The following ZC3H12C variants were observed in gnomAD, a reference collection of about 807,000 sequenced individuals.
The protein encoded by ZC3H12C is probable ribonuclease ZC3H12C.
ZC3H12C carries 20 observed loss-of-function variants against 76.3 expected under a neutral mutation model. The observed-to-expected ratio is 0.26, with a 90% CI of 0.18 to 0.38. The LOEUF (loss-of-function observed/expected upper bound fraction) is 0.38. ZC3H12C is among the 10% of genes least tolerant of loss of function. The probability of loss-of-function intolerance (pLI) is 1.00; values close to 1 mark genes in which losing one functional copy is unlikely to be tolerated. For synonymous variants in ZC3H12C, 352 were observed against 399.6 expected (o/e 0.88, Z 1.42); for missense variants, 874 against 1,086.5 (o/e 0.80, Z 2.75).
chr11:110,133,705 CTG>C (rs1861905916), intron 1 of ZC3H12C, among the ~76,000 whole-genome samples: 1 of 152,014 alleles, frequency 6.6e-6, no homozygotes, highest in Non-Finnish European at 1.5e-5. Flanking sequence ...TTAAAAAAAA[CTG>C]AAAATCCTAT....
intron 1 of ZC3H12C, among the ~76,000 whole-genome samples, chr11:110,130,817 C>T (rs917136460): frequency 6.6e-5 from 10 of 152,148 alleles, no homozygotes; most frequent in South Asian, 2.1e-4. Flanking sequence ...ACATGCTGCC[C>T]GGGGCAGACC....
chr11:110,144,079 T>A (rs1862118766), intron 2 of ZC3H12C, among the ~76,000 whole-genome samples: 1 of 152,132 alleles, frequency 6.6e-6, no homozygotes, highest in Non-Finnish European at 1.5e-5. Context: ...TCCTTTTGAA[T>A]CCCATAATTA....
chr11:110,102,030 C>A (rs1223360453), intron 1 of ZC3H12C, among the ~76,000 whole-genome samples: 1 of 151,368 alleles, frequency 6.6e-6, no homozygotes, highest in Non-Finnish European at 1.5e-5. Context: ...TGACAGGGTA[C>A]CACCAAGAAC....
At position 110,165,238 on chromosome 11, in the gene ZC3H12C, G is replaced by T; in HGVS notation, c.2153G>T (p.Arg718Leu). The T allele has an allele frequency of 6.2e-7, 1 of 1,613,968 alleles. No homozygotes were observed. Among genetic ancestry groups the T allele is most frequent in the Non-Finnish European group, 8.5e-7 (1 of 1,179,900 alleles). Reference protein sequence around the residue: ...LHLPHSAVGARSSCPGDYPSP... With the variant: ...LHLPHSAVGALSSCPGDYPSP... The stretch of plus-strand genomic sequence containing the variant: ...CTGCCGCACTCCGCTGTGGGCGCCC[G>T]GTCCAGCTGTCCTGGCGACTACCCC... Residue 718 changes from arginine to leucine, a missense_variant, in exon 6 of 6, where the codon CGG becomes CTG. By Grantham distance (102) the Arg-to-Leu change is moderately radical. Coordinates refer to ENST00000278590, the MANE Select transcript of ZC3H12C (RefSeq NM_033390.2).
chr11:110,146,304 C>T (rs648594), intron 2 of ZC3H12C, among the ~76,000 whole-genome samples: 111,324 of 152,048 alleles, frequency 0.73, 40,895 homozygotes, highest in East Asian at 0.9. Flanking sequence ...CTTGTTTTAA[C>T]GGGTCAGGCT....
At chr11:110,137,496 C>T (rs1296718697) in intron 2 of ZC3H12C, 82 bp downstream of exon 2, 1 of 1,422,878 alleles carries the variant, frequency 7.0e-7, no homozygotes, top group African/African-American at 1.4e-5. Flanking sequence ...TCTTTTCCTT[C>T]TCATGGTCAT....
intron 1 of ZC3H12C, among the ~76,000 whole-genome samples, chr11:110,097,713 A>G (rs778873347): frequency 8.5e-5 from 13 of 152,342 alleles, no homozygotes; most frequent in Admixed American, 6.5e-5. Context: ...TAGCCAGGCT[A>G]AGTCCCTGTT....
chr11:110,112,096 C>G (rs1013869626), intron 1 of ZC3H12C, among the ~76,000 whole-genome samples: 2 of 152,160 alleles, frequency 1.3e-5, no homozygotes, highest in Non-Finnish European at 2.9e-5. Flanking sequence ...TTATAATATC[C>G]ATTGTATTTA....
At chr11:110,136,503 G>A in intron 1 of ZC3H12C, 160 bp from the exon 2 acceptor site, 1 of 706,100 alleles carries the variant, frequency 1.4e-6, no homozygotes, top group Non-Finnish European at 2.2e-6. Flanking sequence ...CTGAAAAATG[G>A]CAGATGATAC....
chr11:110,131,927 C>T (rs1464060080), intron 1 of ZC3H12C, among the ~76,000 whole-genome samples: 2 of 152,230 alleles, frequency 1.3e-5, no homozygotes, highest in Non-Finnish European at 2.9e-5. Context: ...CAGTAGACAT[C>T]TGTTGCCCCA....
chr11:110,137,327 G>A lies in ZC3H12C; in HGVS notation c.686G>A (p.Arg229Lys). The A allele has an allele frequency of 6.2e-7, 1 of 1,613,858 alleles. No homozygotes were observed. The highest frequency in any genetic ancestry group is 1.1e-5 in the South Asian group (1 of 91,046). ...GAAACTTCTTCCCTGGAATCTCAGA[G>A]GTCTGAATCTCCAATGCAAGAGATT... ...TRETSSLESQ[R>K]SESPMQEIVT... Residue 229 changes from arginine to lysine, a missense_variant, in exon 2 of 6, where the codon AGG becomes AAG. Physicochemically the swap from Arg to Lys is conservative, Grantham distance 26. Coordinates refer to ENST00000278590, the MANE Select transcript of ZC3H12C (RefSeq NM_033390.2).
At chr11:110,154,847 A>AAAAAAC in intron 3 of ZC3H12C, among the ~76,000 whole-genome samples, 1 of 151,184 alleles carries the variant, frequency 6.6e-6, no homozygotes, top group East Asian at 1.9e-4. Context: ...AAAAAAAAAA[A>AAAAAAC]AAAAACTTCT....
chr11:110,138,821 AG>A (rs1177147778), intron 2 of ZC3H12C, among the ~76,000 whole-genome samples: 1 of 152,120 alleles, frequency 6.6e-6, no homozygotes, highest in Non-Finnish European at 1.5e-5. Context: ...GGCACCCCAA[AG>A]TGCTGGGATT....
intron 3 of ZC3H12C, among the ~76,000 whole-genome samples, chr11:110,158,706 G>C (rs1862423302): frequency 6.6e-6 from 1 of 152,190 alleles, no homozygotes; most frequent in Admixed American, 6.6e-5. Context: ...CAACACTTGT[G>C]ACCTCACTGC....
intron 1 of ZC3H12C, among the ~76,000 whole-genome samples, chr11:110,116,080 G>GA (rs1457152643): frequency 6.6e-6 from 1 of 152,134 alleles, no homozygotes; most frequent in Admixed American, 6.5e-5. Context: ...TTTTCTGGAA[G>GA]AAAATCTTTG....
At chr11:110,156,540 C>A (rs137945531) in intron 3 of ZC3H12C, among the ~76,000 whole-genome samples, 2 of 152,144 alleles carry the variant, frequency 1.3e-5, no homozygotes, top group African/African-American at 2.4e-5. Flanking sequence ...GTGAGGCCAC[C>A]GAACTTAATC....
intron 2 of ZC3H12C, among the ~76,000 whole-genome samples, chr11:110,148,015 T>C (rs545112050): frequency 6.6e-5 from 10 of 152,188 alleles, no homozygotes; most frequent in Admixed American, 5.2e-4. Context: ...AGGACCTAGA[T>C]AGAGGCAAAG....
chr11:110,112,053 C>G (rs1367757444), intron 1 of ZC3H12C, among the ~76,000 whole-genome samples: 1 of 152,128 alleles, frequency 6.6e-6, no homozygotes, highest in East Asian at 1.9e-4. Flanking sequence ...GGAAGGAGGT[C>G]CACAGACCAG....
intron 3 of ZC3H12C, among the ~76,000 whole-genome samples, chr11:110,158,959 T>G (rs1862427794): frequency 6.6e-6 from 1 of 152,210 alleles, no homozygotes; most frequent in Non-Finnish European, 1.5e-5. Context: ...GTGTGATGAC[T>G]CCAGCTCTTA....
Sources: gnomAD v4.1 joint callset for allele counts (sites outside exome capture counted in the v4.1 genomes callset) on GRCh38, gnomAD v4.1.1 for gene constraint, MANE v1.5 for transcripts, NCBI Gene and HGNC (gene_info 2026-07-23, HGNC 2026-07-21) for gene names.